CTNNA1: variants seen among roughly 807,000 people sequenced by gnomAD.
CTNNA1 encodes the protein catenin alpha-1.
A neutral mutation model predicts 98.4 loss-of-function variants in CTNNA1; 37 were observed. That is an observed-to-expected ratio of 0.38 (90% CI 0.29 to 0.49). The LOEUF (loss-of-function observed/expected upper bound fraction) is 0.49. Among genes scored for constraint, CTNNA1 ranks in the 20% least tolerant of loss-of-function variants. The pLI is 0.95. For missense variants in CTNNA1, 761 were observed against 1,147.2 expected (o/e 0.66, Z 4.86); for synonymous variants, 404 against 413.2 (o/e 0.98, Z 0.27).
At chr5:138,792,610 A>G (rs1320695063) in intron 3 of CTNNA1, among the ~76,000 whole-genome samples, 1 of 152,172 alleles carries the variant, frequency 6.6e-6, no homozygotes, top group Non-Finnish European at 1.5e-5. Flanking sequence ...GGTGTGTGTG[A>G]GAGAGATTGC....
chr5:138,891,068 T>G (rs550012445), intron 9 of CTNNA1: 1 of 152,392 alleles, frequency 6.6e-6, no homozygotes, highest in African/African-American at 2.4e-5. Flanking sequence ...TTGTCGATCC[T>G]TTTTATGGTT....
chr5:138,910,226 C>CTTTT lies in CTNNA1; in HGVS notation c.1389+5809_1389+5812dup, dbSNP rs70982740. On this transcript the variant is annotated intron_variant, in intron 10 of 17. Coordinates refer to ENST00000302763, the MANE Select transcript of CTNNA1 (RefSeq NM_001903.5). ...AAATTGGAAAGTGTTTCCTACTTTTCTTTTTTTTTTTTTTTTTTTTTTTTT... is the reference window on the plus strand; with the variant it reads ...AAATTGGAAAGTGTTTCCTACTTTTCTTTTTTTTTTTTTTTTTTTTTTTTTTTTT... Among the ~76,000 whole-genome samples the CTTTT allele has an allele frequency of 2.4e-4, 13 of 53,230 alleles. 1 individual carries two copies. The highest frequency in any genetic ancestry group is 8.7e-4 in the African/African-American group (11 of 12,694). The allele number at this position is 53,230 out of a possible 152,430, so 34.9% of individuals were successfully genotyped here.
intron 7 of CTNNA1, chr5:138,869,906 C>T (rs1765179105): frequency 6.6e-6 from 1 of 152,568 alleles, no homozygotes; most frequent in South Asian, 2.1e-4. Context: ...TGTGGATTTA[C>T]AAGTTTATCA....
At chr5:138,897,607 G>C (rs1462750121) in intron 9 of CTNNA1, among the ~76,000 whole-genome samples, 4 of 152,052 alleles carry the variant, frequency 2.6e-5, no homozygotes, top group African/African-American at 9.7e-5. Context: ...TCAGATTATG[G>C]AATGTTTTCA....
At chr5:138,932,797 C>T in intron 17 of CTNNA1, 85 bp downstream of exon 17, 2 of 1,522,448 alleles carry the variant, frequency 1.3e-6, no homozygotes, top group Admixed American at 3.3e-5. Flanking sequence ...TCCGCATAAA[C>T]ACCTGCCCTG....
rs566563322 is a variant in CTNNA1, at chr5:138,767,293, C to T, written c.-3+13783C>T. Among the ~76,000 whole-genome samples, 11 of 152,286 alleles carry T rather than the reference C, an allele frequency of 7.2e-5. No homozygotes were observed. The East Asian group carries it at 2.1e-3, about 29-fold the overall frequency. On this transcript the variant is annotated intron_variant, in intron 1 of 17. Transcript: ENST00000302763. Reference sequence around the variant, plus strand: ...CCTTGTGATCTGCCCACCTTGGACTCCCAAAGTGCTGGGATTACAGGCATG... The same window carrying T: ...CCTTGTGATCTGCCCACCTTGGACTTCCAAAGTGCTGGGATTACAGGCATG...
At chr5:138,753,826 C>T (rs1334849825) in intron 1 of CTNNA1, 2 of 208,726 alleles carry the variant, frequency 9.6e-6, no homozygotes, top group African/African-American at 4.6e-5. Flanking sequence ...CGCCGCGTTT[C>T]CTCTTGGAAA....
At chr5:138,801,249 G>GA (rs1757546277) in intron 3 of CTNNA1, among the ~76,000 whole-genome samples, 2 of 152,198 alleles carry the variant, frequency 1.3e-5, no homozygotes, top group Non-Finnish European at 2.9e-5. Context: ...CCTTGACTGC[G>GA]AATGGCACCA....
In CTNNA1 at chr5:138,904,381, T is replaced by C. The variant is rs775346533; in HGVS notation, c.1329T>C (p.Asn443=). ...VANLACSISN[N]EEGVKLVRMS... The stretch of plus-strand genomic sequence containing the variant: ...ACTTGGCCTGTTCCATCTCAAATAA[T>C]GAAGAAGGTGTAAAGCTTGTTCGAA... Residue 443 remains asparagine, a synonymous_variant, in exon 10 of 18, where the codon AAT becomes AAC. Coordinates refer to ENST00000302763, the MANE Select transcript of CTNNA1 (RefSeq NM_001903.5). 3.9e-5 allele frequency: 63 copies of C among 1,614,008 alleles called. No individual in the cohort carries two copies. The Admixed American group carries it at 1.0e-3, about 26-fold the overall frequency.
intron 11 of CTNNA1, among the ~76,000 whole-genome samples, chr5:138,919,891 G>T (rs1346454227): frequency 6.6e-6 from 1 of 152,000 alleles, no homozygotes; most frequent in Admixed American, 6.6e-5. Flanking sequence ...GTTTCTACTG[G>T]GATGACCAGT....
chr5:138,828,799 G>A (rs1760976597), intron 7 of CTNNA1, among the ~76,000 whole-genome samples: 1 of 152,212 alleles, frequency 6.6e-6, no homozygotes, highest in African/African-American at 2.4e-5. Context: ...CTACCATACT[G>A]TGAAATTAGT....
chr5:138,919,001 T>C (rs1430206474), intron 11 of CTNNA1, among the ~76,000 whole-genome samples: 1 of 152,202 alleles, frequency 6.6e-6, no homozygotes, highest in African/African-American at 2.4e-5. Flanking sequence ...CTCCTTAGGA[T>C]GGGTAGCCTT....
At chr5:138,798,197 AGTATTTGTTGAGCTTT>A (rs530002673) in intron 3 of CTNNA1, among the ~76,000 whole-genome samples, 86 of 152,350 alleles carry the variant, frequency 5.6e-4, no homozygotes, top group Non-Finnish European at 9.8e-4. Flanking sequence ...GGGGCACAGA[AGTATTTGTTGAGCTTT>A]GCATATATTA....
Position 138,832,727 on chromosome 5 carries a change from T to C in CTNNA1, c.1062+5009T>C, listed in dbSNP as rs145527196. 5.4e-4 allele frequency among the ~76,000 whole-genome samples: 82 copies of C among 152,364 alleles called. No individual in the cohort carries two copies. In the East Asian group the frequency reaches 0.014, roughly 27 times the overall value. ...AACAGTTTTAATTCTCTCAGTGTTT[T>C]CTGCCTATAAACATGAAATATCCGT... On this transcript the variant is annotated intron_variant, in intron 7 of 17. Transcript: ENST00000302763.
intron 7 of CTNNA1, among the ~76,000 whole-genome samples, chr5:138,862,018 A>G (rs1764330970): frequency 6.6e-6 from 1 of 152,364 alleles, no homozygotes; most frequent in Middle Eastern, 3.4e-3. Flanking sequence ...TGGAAAGACA[A>G]TGCCAAGAAA....
rs924869903 is a variant in CTNNA1 at position 138,774,858 on chromosome 5, C to G, written c.-2-7065C>G. On this transcript the variant is annotated intron_variant, in intron 1 of 17. Coordinates refer to ENST00000302763, the MANE Select transcript of CTNNA1 (RefSeq NM_001903.5). The stretch of plus-strand genomic sequence containing the variant: ...TCTCCTGACCTCGTGATCCGCCCAC[C>G]TCGGCCTCCCAAAGTGCTGGGATTA... 5.9e-5 allele frequency among the ~76,000 whole-genome samples: 9 copies of G among 152,258 alleles called. No individual in the cohort carries two copies. The South Asian group carries it at 1.2e-3, about 21-fold the overall frequency.
At chr5:138,788,346 G>A (rs1310706070) in intron 3 of CTNNA1, among the ~76,000 whole-genome samples, 2 of 151,982 alleles carry the variant, frequency 1.3e-5, no homozygotes, top group South Asian at 2.1e-4. Flanking sequence ...CTTTTTTCTC[G>A]AAATTTAAAG....
chr5:138,810,234 G>T, intron 4 of CTNNA1, 30 bp downstream of exon 4: 1 of 1,597,144 alleles, frequency 6.3e-7, no homozygotes. Flanking sequence ...TCTGTAATTT[G>T]TTCTATCACA....
intron 1 of CTNNA1, among the ~76,000 whole-genome samples, chr5:138,774,884 C>T (rs1753927955): frequency 6.6e-6 from 1 of 152,140 alleles, no homozygotes; most frequent in Non-Finnish European, 1.5e-5. Flanking sequence ...GCTGGGATTA[C>T]AGGCATGAGC....
Sources: allele counts gnomAD v4.1 joint callset (sites outside exome capture counted in the v4.1 genomes callset), GRCh38; gene constraint gnomAD v4.1.1; transcripts MANE v1.5; gene names NCBI Gene and HGNC (gene_info 2026-07-23, HGNC 2026-07-21).